The following MMP16 variants were observed in gnomAD, a reference collection of about 807,000 sequenced individuals.
The protein encoded by MMP16 is matrix metalloproteinase-16.
A neutral mutation model predicts 67.8 loss-of-function variants in MMP16; 12 were observed. The observed-to-expected ratio is 0.18, with a 90% CI of 0.11 to 0.29. The LOEUF is 0.29. MMP16 is among the 10% of genes least tolerant of loss of function. MMP16 has a pLI of 1.00. For missense variants in MMP16, 475 were observed against 765.7 expected (o/e 0.62, Z 4.48); for synonymous variants, 249 against 255.9 (o/e 0.97, Z 0.26).
At chr8:88,195,359 T>C (rs1809233329) in intron 2 of MMP16, among the ~76,000 whole-genome samples, 2 of 152,184 alleles carry the variant, frequency 1.3e-5, no homozygotes, top group Admixed American at 1.3e-4. Flanking sequence ...AGTTAGACCT[T>C]CAAACAATGT....
intron 8 of MMP16, among the ~76,000 whole-genome samples, chr8:88,050,064 G>C (rs935694283): frequency 6.6e-6 from 1 of 152,154 alleles, no homozygotes; most frequent in Non-Finnish European, 1.5e-5. Context: ...GCTCACACCT[G>C]TAATTCCACC....
chr8:88,250,588 C>G (rs1810194223), intron 1 of MMP16, among the ~76,000 whole-genome samples: 1 of 151,724 alleles, frequency 6.6e-6, no homozygotes, highest in Non-Finnish European at 1.5e-5. Flanking sequence ...AAATCATGAA[C>G]AATATCTATC....
At chr8:88,141,695 A>G (rs1808213717) in intron 4 of MMP16, among the ~76,000 whole-genome samples, 1 of 152,152 alleles carries the variant, frequency 6.6e-6, no homozygotes, top group Non-Finnish European at 1.5e-5. Context: ...GCAATTTATT[A>G]TTTTCACCAT....
chr8:88,262,493 A>G (rs1810401952), intron 1 of MMP16, among the ~76,000 whole-genome samples: 1 of 152,210 alleles, frequency 6.6e-6, no homozygotes, highest in Non-Finnish European at 1.5e-5. Flanking sequence ...TTAGGCAGCA[A>G]GTACACACTT....
At chr8:88,263,101 T>C (rs920616876) in intron 1 of MMP16, among the ~76,000 whole-genome samples, 6 of 151,984 alleles carry the variant, frequency 3.9e-5, no homozygotes, top group African/African-American at 1.4e-4. Flanking sequence ...ACCACTATCA[T>C]TGCCACCACA....
chr8:88,292,259 T>C (rs189432935), intron 1 of MMP16, among the ~76,000 whole-genome samples: 112 of 152,360 alleles, frequency 7.4e-4, no homozygotes, highest in African/African-American at 2.6e-3. Context: ...TCACTTTTTA[T>C]ATTAGTTCAC....
chr8:88,125,846 G>A (rs1807922092), intron 4 of MMP16, among the ~76,000 whole-genome samples: 1 of 151,634 alleles, frequency 6.6e-6, no homozygotes, highest in Admixed American at 6.6e-5. Flanking sequence ...CTTTTTCCCT[G>A]GATAGCTCAG....
At chr8:88,182,459 T>A (rs1808996475) in intron 3 of MMP16, among the ~76,000 whole-genome samples, 1 of 152,132 alleles carries the variant, frequency 6.6e-6, no homozygotes, top group African/African-American at 2.4e-5. Flanking sequence ...ATAAACATAA[T>A]TGATTTACAA....
intron 1 of MMP16, among the ~76,000 whole-genome samples, chr8:88,234,193 C>T (rs556775697): frequency 7.2e-5 from 11 of 152,216 alleles, no homozygotes; most frequent in East Asian, 1.9e-4. Flanking sequence ...ATTCATATTA[C>T]CGAATAGCAG....
At chr8:88,277,912 T>C (rs1414352210) in intron 1 of MMP16, among the ~76,000 whole-genome samples, 3 of 152,182 alleles carry the variant, frequency 2.0e-5, no homozygotes, top group Non-Finnish European at 4.4e-5. Context: ...ACATTTGATA[T>C]GCTGATATTT....
intron 4 of MMP16, among the ~76,000 whole-genome samples, chr8:88,129,375 G>C (rs1443419012): frequency 6.6e-6 from 1 of 151,552 alleles, no homozygotes; most frequent in Non-Finnish European, 1.5e-5. Context: ...AAAAGCTAAT[G>C]AAAACAACCC....
intron 1 of MMP16, 82 bp from the exon 2 acceptor site, chr8:88,197,388 A>G (rs1289309562): frequency 9.8e-6 from 12 of 1,222,336 alleles, no homozygotes; most frequent in Non-Finnish European, 1.2e-5. Context: ...TATCTATAAT[A>G]GAGTTTTGAA....
rs1400923487 is a variant in MMP16, at chr8:88,033,883, G to T, written c.*7578C>A. ...ACAGAGAAATAGACCAAAGGATGAAGGTTTTAGGCATTTATGTACCCATGA... is the reference window on the plus strand; with the variant it reads ...ACAGAGAAATAGACCAAAGGATGAATGTTTTAGGCATTTATGTACCCATGA... On this transcript the variant is annotated 3_prime_UTR_variant, in exon 10 of 10. Transcript: ENST00000286614. The T allele has an allele frequency of 6.6e-6, 1 of 151,884 alleles. No homozygotes were observed. Among genetic ancestry groups the T allele is most frequent in the African/African-American group, 2.4e-5 (1 of 41,386 alleles). 9.4% of individuals were successfully genotyped at this position (151,884 alleles called of 1,614,324 possible). A position where few individuals can be genotyped will look rare whatever the true frequency, so the allele number is the denominator to read the frequency against.
chr8:88,224,387 T>G (rs1165973804), intron 1 of MMP16, among the ~76,000 whole-genome samples: 1 of 152,036 alleles, frequency 6.6e-6, no homozygotes, highest in East Asian at 1.9e-4. Flanking sequence ...AACAGATAGT[T>G]TTGGTAACTT....
At chr8:88,153,811 G>T (rs1412799120) in intron 4 of MMP16, among the ~76,000 whole-genome samples, 1 of 151,456 alleles carries the variant, frequency 6.6e-6, no homozygotes, top group Non-Finnish European at 1.5e-5. Context: ...CATGGGCAAG[G>T]ACTTCATGTC....
At chr8:88,117,548 G>C (rs948865206) in intron 5 of MMP16, among the ~76,000 whole-genome samples, 1 of 152,066 alleles carries the variant, frequency 6.6e-6, no homozygotes, top group African/African-American at 2.4e-5. Flanking sequence ...ACTTCTTTCA[G>C]TGAACCACTT....
At chr8:88,158,277 C>A (rs577360952) in intron 4 of MMP16, among the ~76,000 whole-genome samples, 201 of 152,306 alleles carry the variant, frequency 1.3e-3, no homozygotes, top group Non-Finnish European at 1.8e-3. Flanking sequence ...AACTAGTTTA[C>A]ACTCCCACCA....
chr8:88,143,590 CT>C (rs1392858413), intron 4 of MMP16, among the ~76,000 whole-genome samples: 1 of 151,942 alleles, frequency 6.6e-6, no homozygotes, highest in Non-Finnish European at 1.5e-5. Flanking sequence ...TGCTATATAT[CT>C]TGCATGCCAC....
At chr8:88,235,904 TAA>T (rs1157296192) in intron 1 of MMP16, among the ~76,000 whole-genome samples, 6 of 144,966 alleles carry the variant, frequency 4.1e-5, no homozygotes, top group African/African-American at 1.0e-4. Flanking sequence ...TCTCTTTTCC[TAA>T]AAAAAAAAAA....
Sources: allele counts gnomAD v4.1 joint callset (sites outside exome capture counted in the v4.1 genomes callset), GRCh38; gene constraint gnomAD v4.1.1; transcripts MANE v1.5; gene names NCBI Gene and HGNC (gene_info 2026-07-23, HGNC 2026-07-21).